MGAT5: variants seen among roughly 807,000 people sequenced by gnomAD.
MGAT5 encodes alpha-1,6-mannosylglycoprotein 6-beta-N-acetylglucosaminyltransferase A.
Under a neutral mutation model 94.3 loss-of-function variants are expected in MGAT5, and 30 were observed. That is an observed-to-expected ratio of 0.32 (90% confidence interval 0.24 to 0.43). The LOEUF (loss-of-function observed/expected upper bound fraction) is 0.43. Ranked by LOEUF, MGAT5 falls within the 20% of genes least tolerant of loss-of-function variation. The pLI, the probability that MGAT5 is intolerant of heterozygous loss-of-function variation, is 1.00. For synonymous variants in MGAT5, 310 were observed against 322.9 expected (o/e 0.96, Z 0.43); for missense variants, 691 against 905.5 (o/e 0.76, Z 3.04).
intron 1 of MGAT5, among the ~76,000 whole-genome samples, chr2:134,225,474 G>A (rs147881963): frequency 4.5e-4 from 68 of 152,178 alleles, no homozygotes; most frequent in Non-Finnish European, 7.8e-4. Flanking sequence ...TGGTCTTGCC[G>A]TGTTTTAGTT....
At chr2:134,276,102 T>G (rs1313001461) in intron 2 of MGAT5, among the ~76,000 whole-genome samples, 3 of 152,082 alleles carry the variant, frequency 2.0e-5, no homozygotes, top group African/African-American at 7.2e-5. Context: ...GTTTCCTGAT[T>G]GCCAGCTGAG....
At chr2:134,233,219 T>C (rs761376609) in intron 1 of MGAT5, among the ~76,000 whole-genome samples, 1 of 152,202 alleles carries the variant, frequency 6.6e-6, no homozygotes, top group Non-Finnish European at 1.5e-5. Flanking sequence ...GTCTAAAATA[T>C]AGTGTCTACC....
chr2:134,245,463 T>C (rs1271021742), intron 1 of MGAT5, among the ~76,000 whole-genome samples: 2 of 152,246 alleles, frequency 1.3e-5, no homozygotes, highest in African/African-American at 2.4e-5. Flanking sequence ...ACTCTTGTCC[T>C]CTTTCCCTTT....
intron 10 of MGAT5, among the ~76,000 whole-genome samples, chr2:134,367,274 G>A (rs1490310286): frequency 6.6e-6 from 1 of 152,228 alleles, no homozygotes; most frequent in Non-Finnish European, 1.5e-5. Context: ...TGCTGCAGTG[G>A]GAATTGGTGG....
chr2:134,159,623 G>A (rs1238519134), intron 1 of MGAT5, among the ~76,000 whole-genome samples: 1 of 152,192 alleles, frequency 6.6e-6, no homozygotes, highest in African/African-American at 2.4e-5. Context: ...GCTGAGGCAG[G>A]TGGATTACTT....
intron 1 of MGAT5, among the ~76,000 whole-genome samples, chr2:134,263,936 A>G (rs1305372019): frequency 6.6e-6 from 1 of 151,374 alleles, no homozygotes. Context: ...AGTGATACGT[A>G]CATGTGTGTA....
chr2:134,121,110 G>A (rs893733159), intron 1 of MGAT5, among the ~76,000 whole-genome samples: 1 of 152,198 alleles, frequency 6.6e-6, no homozygotes, highest in Non-Finnish European at 1.5e-5. Context: ...CTAGGGAGAC[G>A]TGGGCGCCGC....
rs538548733 is a variant in MGAT5 at position 134,120,502 on chromosome 2, G to T, written c.-143+211G>T. On this transcript the variant is annotated intron_variant, in intron 1 of 16. Coordinates refer to the MGAT5 transcript ENST00000409645. ...CCCGGCCGCTCTGCAGGACGCCGGAGTGGAGCCGGGAGACGCGCCTTGAGA... is the reference window on the plus strand; with the variant it reads ...CCCGGCCGCTCTGCAGGACGCCGGATTGGAGCCGGGAGACGCGCCTTGAGA... 8.1e-3 allele frequency among the ~76,000 whole-genome samples: 1,231 copies of T among 151,958 alleles called. 12 individuals carry two copies. The highest frequency in any genetic ancestry group is 0.028 in the African/African-American group (1,167 of 41,510).
intron 1 of MGAT5, among the ~76,000 whole-genome samples, chr2:134,145,212 CTCTGTG>C (rs1478542996): frequency 7.3e-4 from 83 of 113,780 alleles, no homozygotes; most frequent in African/African-American, 2.6e-3. Flanking sequence ...GTGTCTCTCT[CTCTGTG>C]TGTGTGTGTG....
chr2:134,264,260 GATCGGTCCCC>G (rs1033630408), intron 1 of MGAT5, among the ~76,000 whole-genome samples: 12 of 152,262 alleles, frequency 7.9e-5, no homozygotes, highest in African/African-American at 2.6e-4. Flanking sequence ...GACCTCAGGT[GATCGGTCCCC>G]CTCGGCCTCC....
intron 1 of MGAT5, among the ~76,000 whole-genome samples, chr2:134,257,509 G>A (rs1302778080): frequency 2.0e-5 from 3 of 152,168 alleles, no homozygotes; most frequent in Admixed American, 6.5e-5. Context: ...GGTGTGAGCC[G>A]CTGTGCCTGG....
intron 2 of MGAT5, among the ~76,000 whole-genome samples, chr2:134,303,020 CTT>C (rs930851781): frequency 5.5e-4 from 83 of 152,104 alleles, no homozygotes; most frequent in African/African-American, 1.8e-3. Context: ...TTTTTTGTCT[CTT>C]TTCTCTTTTC....
At chr2:134,446,252 G>A (rs1312326218) in intron 15 of MGAT5, among the ~76,000 whole-genome samples, 1 of 152,074 alleles carries the variant, frequency 6.6e-6, no homozygotes, top group East Asian at 1.9e-4. Context: ...TCTACCCCGG[G>A]AGATGGTGGC....
chr2:134,288,395 C>T (rs1685142019), intron 2 of MGAT5, among the ~76,000 whole-genome samples: 1 of 152,126 alleles, frequency 6.6e-6, no homozygotes, highest in Non-Finnish European at 1.5e-5. Flanking sequence ...CAGCTGTGCT[C>T]CTTTGTTGAT....
Position 134,422,033 on chromosome 2 carries a change from G to A in MGAT5, c.1678-770G>A, listed in dbSNP as rs538157828. Among the ~76,000 whole-genome samples, 10 of 151,982 alleles carry A rather than the reference G, an allele frequency of 6.6e-5. No individual in the cohort carries two copies. The East Asian group carries it at 1.5e-3, about 24-fold the overall frequency. ...AAAAAAAAAAAATTGTTTTTAATTAGCCAGGCATGATGTGCACATCTGTAG... is the reference window on the plus strand; with the variant it reads ...AAAAAAAAAAAATTGTTTTTAATTAACCAGGCATGATGTGCACATCTGTAG... On this transcript the variant is annotated intron_variant, in intron 12 of 15. Coordinates refer to ENST00000281923, the MANE Select transcript of MGAT5 (RefSeq NM_002410.5).
chr2:134,441,898 G>A lies in MGAT5; in HGVS notation c.2010G>A (p.Lys670=). 2.5e-6 allele frequency: 4 copies of A among 1,613,962 alleles called. No homozygotes were observed. Among genetic ancestry groups the A allele is most frequent in the Non-Finnish European group, 3.4e-6 (4 of 1,179,922 alleles). ...CEPSFFQHLN[K]DKDMLKYKVT... ...CTTCTTTCTTCCAGCACCTCAACAA[G>A]GACAAGGACATGCTGAAGTAAGTGC... The change falls in exon 15 of 16, where the codon AAG becomes AAA. Residue 670 remains lysine, a synonymous_variant. Coordinates refer to ENST00000281923, the MANE Select transcript of MGAT5 (RefSeq NM_002410.5).
At chr2:134,367,049 A>G (rs1462008091) in intron 10 of MGAT5, among the ~76,000 whole-genome samples, 2 of 152,192 alleles carry the variant, frequency 1.3e-5, no homozygotes, top group African/African-American at 4.8e-5. Context: ...TGAGAGGCAC[A>G]GTGTCTTCCT....
chr2:134,140,851 C>T (rs1358987177), intron 1 of MGAT5, among the ~76,000 whole-genome samples: 1 of 152,144 alleles, frequency 6.6e-6, no homozygotes, highest in African/African-American at 2.4e-5. Context: ...GTAATTTGCC[C>T]CAGGTTTCGT....
At chr2:134,251,380 G>C (rs1294929333), upstream of MGAT5, among the ~76,000 whole-genome samples, 1 of 152,164 alleles carries the variant, frequency 6.6e-6, no homozygotes, top group East Asian at 1.9e-4. Flanking sequence ...AAGGAAAGAG[G>C]GCAGGTGCTA....
Sources: gnomAD v4.1 joint callset for allele counts (sites outside exome capture counted in the v4.1 genomes callset) on GRCh38, gnomAD v4.1.1 for gene constraint, MANE v1.5 for transcripts, NCBI Gene and HGNC (gene_info 2026-07-23, HGNC 2026-07-21) for gene names.